The following RFX7 variants were observed in gnomAD, a reference collection of about 807,000 sequenced individuals.
RFX7 encodes regulatory factor X7.
A neutral mutation model predicts 111.8 loss-of-function variants in RFX7; 26 were observed. The ratio of observed to expected loss-of-function variants is 0.23; its 90% CI spans 0.17 to 0.32. RFX7 has a LOEUF of 0.32. Among genes scored for constraint, RFX7 ranks in the 10% least tolerant of loss-of-function variants. The pLI, the probability that RFX7 is intolerant of heterozygous loss-of-function variation, is 1.00. For missense variants in RFX7, 1,573 were observed against 1,772.9 expected, an observed-to-expected ratio of 0.89 and a Z score of 2.02; for synonymous variants, 624 against 624.4, an observed-to-expected ratio of 1.00 and a Z score of 0.01.
intron 5 of RFX7, among the ~76,000 whole-genome samples, chr15:56,121,875 T>C (rs2042083441): frequency 2.0e-5 from 3 of 152,232 alleles, no homozygotes; most frequent in African/African-American, 7.2e-5. Context: ...TTAAAAATTA[T>C]TCAATCTCTG....
chr15:56,104,551 A>C (rs1567008501), intron 5 of RFX7, among the ~76,000 whole-genome samples: 1 of 152,228 alleles, frequency 6.6e-6, no homozygotes, highest in Non-Finnish European at 1.5e-5. Context: ...AAAGAAATGA[A>C]AACAACTGGA....
intron 4 of RFX7, among the ~76,000 whole-genome samples, chr15:56,144,050 A>G (rs1260267323): frequency 6.6e-6 from 1 of 152,156 alleles, no homozygotes; most frequent in Non-Finnish European, 1.5e-5. Context: ...AGTACCTAAA[A>G]AAACTCTTAT....
intron 2 of RFX7, among the ~76,000 whole-genome samples, chr15:56,205,859 G>A (rs1311231057): frequency 6.6e-6 from 1 of 151,940 alleles, no homozygotes; most frequent in Non-Finnish European, 1.5e-5. Flanking sequence ...ACACTCACAG[G>A]TTAAAAAAAG....
intron 2 of RFX7, among the ~76,000 whole-genome samples, chr15:56,198,527 AT>A: frequency 6.6e-6 from 1 of 152,320 alleles, no homozygotes; most frequent in East Asian, 1.9e-4. Flanking sequence ...GAAGAGGAAT[AT>A]GCTACATAGC....
intron 2 of RFX7, among the ~76,000 whole-genome samples, chr15:56,239,984 C>CTTTTTTTTTTTTTTTTTT: frequency 8.3e-6 from 1 of 120,928 alleles, no homozygotes; most frequent in Non-Finnish European, 1.7e-5. Flanking sequence ...TTTGGTATTT[C>CTTTTTTTTTTTTTTTTTT]TTTTTTTTTT....
chr15:56,150,750 G>T (rs1384500473), intron 3 of RFX7, among the ~76,000 whole-genome samples: 1 of 151,910 alleles, frequency 6.6e-6, no homozygotes, highest in Non-Finnish European at 1.5e-5. Context: ...TTCAGAAGGT[G>T]GGTAATAACG....
At chr15:56,137,874 C>G (rs1263968442) in intron 5 of RFX7, among the ~76,000 whole-genome samples, 3 of 151,860 alleles carry the variant, frequency 2.0e-5, no homozygotes, top group Non-Finnish European at 4.4e-5. Flanking sequence ...CATTATGTAC[C>G]CAGTAGTCAT....
chr15:56,094,999 A>C lies in RFX7; in HGVS notation c.2729T>G (p.Leu910Trp). 1 of 1,613,368 alleles carries C rather than the reference A, an allele frequency of 6.2e-7. No homozygotes were observed. ...TGACTGACTCTGAAGGGTCATTCCCAAACAGTTGCCGTAAGAATGAGAATT... is the reference window on the plus strand; with the variant it reads ...TGACTGACTCTGAAGGGTCATTCCCCAACAGTTGCCGTAAGAATGAGAATT... ...MNNSHSYGNC[L>W]GMTLQSQSVT... Residue 910 changes from leucine (L) to tryptophan (W), a missense_variant, in exon 10 of 10, where the codon TTG (leucine) becomes TGG (tryptophan). Physicochemically the swap from Leu to Trp is moderately conservative, Grantham distance 61. Coordinates refer to ENST00000559447, the MANE Select transcript of RFX7 (RefSeq NM_022841.7).
chr15:56,122,272 A>G (rs1273767118), intron 5 of RFX7, among the ~76,000 whole-genome samples: 1 of 152,136 alleles, frequency 6.6e-6, no homozygotes, highest in Non-Finnish European at 1.5e-5. Context: ...TGGTTCTTGC[A>G]GATTCACAGA....
chr15:56,148,537 T>A (rs2042518573), intron 3 of RFX7, among the ~76,000 whole-genome samples: 1 of 152,178 alleles, frequency 6.6e-6, no homozygotes, highest in Non-Finnish European at 1.5e-5. Flanking sequence ...ACTTTGGTGT[T>A]TGAATCCTGC....
chr15:56,220,210 T>A (rs2043409665), intron 2 of RFX7, among the ~76,000 whole-genome samples: 1 of 152,136 alleles, frequency 6.6e-6, no homozygotes, highest in South Asian at 2.1e-4. Context: ...TCCCACTTTT[T>A]AATGGTTTTT....
chr15:56,093,429 G>A lies in RFX7; in HGVS notation c.4299C>T (p.Cys1433=), dbSNP rs768475607. ...AAGTCATAGAATTCATGGATTCACT[G>A]CAAATTTGTTGAAATAATGGGTCAT... ...LKNDPLFQQI[C]SESMNSMTSS... is the part of the protein sequence containing the mutation. The change falls in exon 10 of 10, where the codon TGC becomes TGT. Residue 1433 remains cysteine (C), a synonymous_variant. Transcript: ENST00000559447. 26 of 1,613,582 alleles carry A rather than the reference G, an allele frequency of 1.6e-5. No individual in the cohort carries two copies. Among genetic ancestry groups the A allele is most frequent in the Non-Finnish European group, 2.2e-5 (26 of 1,179,656 alleles).
At chr15:56,234,893 C>T (rs1357076734) in intron 2 of RFX7, among the ~76,000 whole-genome samples, 1 of 152,062 alleles carries the variant, frequency 6.6e-6, no homozygotes, top group Non-Finnish European at 1.5e-5. Context: ...AATGGACTTA[C>T]CTTAGGAAAG....
In RFX7 at chr15:56,191,638, C is replaced by T. The variant is rs563680269; in HGVS notation, c.162-12335G>A. On this transcript the variant is annotated intron_variant, in intron 2 of 9. Coordinates refer to ENST00000559447, the MANE Select transcript of RFX7 (RefSeq NM_022841.7). ...ATTCAAATTTTGACAGACTAAAAGA[C>T]TGTATTTTATTAGTCCATTTATAGG... Among the ~76,000 whole-genome samples, 3 of 152,104 alleles carry T rather than the reference C, an allele frequency of 2.0e-5. No homozygotes were observed. In the South Asian group the frequency reaches 6.2e-4, roughly 31 times the overall value.
At chr15:56,184,699 C>T (rs530677247) in intron 2 of RFX7, among the ~76,000 whole-genome samples, 2 of 152,326 alleles carry the variant, frequency 1.3e-5, no homozygotes, top group East Asian at 3.9e-4. Context: ...ATCTGCCTGG[C>T]TTGCTCCCTT....
chr15:56,121,386 G>C (rs1326458083), intron 5 of RFX7, among the ~76,000 whole-genome samples: 3 of 152,106 alleles, frequency 2.0e-5, no homozygotes, highest in Admixed American at 1.3e-4. Flanking sequence ...TTATTTGTTT[G>C]TTTTATCTTG....
intron 5 of RFX7, among the ~76,000 whole-genome samples, chr15:56,142,042 A>T (rs2042407523): frequency 6.6e-6 from 1 of 152,060 alleles, no homozygotes; most frequent in Admixed American, 6.6e-5. Context: ...TTTTGCCCCA[A>T]ATTTGTAAGT....
chr15:56,184,312 T>A (rs1355143423), intron 2 of RFX7, among the ~76,000 whole-genome samples: 1 of 151,400 alleles, frequency 6.6e-6, no homozygotes. Flanking sequence ...GTGCTGGGAT[T>A]ACAGGTGTGA....
At chr15:56,138,570 A>G (rs1412848057) in intron 5 of RFX7, among the ~76,000 whole-genome samples, 80 of 151,386 alleles carry the variant, frequency 5.3e-4, no homozygotes, top group African/African-American at 9.9e-4. Flanking sequence ...TCTTTATCCA[A>G]TTTGCCAGTC....
Sources: gnomAD v4.1 joint callset for allele counts (sites outside exome capture counted in the v4.1 genomes callset) on GRCh38, gnomAD v4.1.1 for gene constraint, MANE v1.5 for transcripts, NCBI Gene and HGNC (gene_info 2026-07-23, HGNC 2026-07-21) for gene names.